Variants in SCD5 observed in about 807,000 individuals in gnomAD.
The protein encoded by SCD5 is stearoyl-CoA desaturase 5.
In SCD5, 20 loss-of-function variants were observed where a neutral mutation model predicts 30.4. That is an observed-to-expected ratio of 0.66 (90% CI 0.46 to 0.96). The LOEUF (loss-of-function observed/expected upper bound fraction) is 0.96, where lower values mean the gene tolerates loss of function less well. Ranked by LOEUF, SCD5 falls within the 40% of genes least tolerant of loss-of-function variation. SCD5 has a pLI of 0.00. For missense variants in SCD5, 381 were observed against 443.3 expected (o/e 0.86, Z 1.26); for synonymous variants, 173 against 176.4 (o/e 0.98, Z 0.16).
chr4:82,714,645 T>A (rs1271420988), intron 1 of SCD5, among the ~76,000 whole-genome samples: 1 of 152,034 alleles, frequency 6.6e-6, no homozygotes, highest in Non-Finnish European at 1.5e-5. Context: ...AGGAGCCAGG[T>A]CTGGAAGGGA....
chr4:82,739,396 C>G (rs964247794), intron 1 of SCD5, among the ~76,000 whole-genome samples: 1 of 152,230 alleles, frequency 6.6e-6, no homozygotes, highest in East Asian at 1.9e-4. Flanking sequence ...CTAACATCCC[C>G]TCCAGCTTTA....
intron 1 of SCD5, among the ~76,000 whole-genome samples, chr4:82,767,264 G>A (rs1721512988): frequency 6.6e-6 from 1 of 151,754 alleles, no homozygotes; most frequent in Non-Finnish European, 1.5e-5. Flanking sequence ...GTCTCTTCTT[G>A]CAGCTCACTC....
chr4:82,667,631 G>A (rs1053558557), intron 3 of SCD5, among the ~76,000 whole-genome samples: 3 of 152,134 alleles, frequency 2.0e-5, no homozygotes, highest in African/African-American at 7.2e-5. Flanking sequence ...TTAACAAAAG[G>A]TATCGAATTA....
chr4:82,714,311 C>G (rs1037133303), intron 1 of SCD5, among the ~76,000 whole-genome samples: 3 of 152,180 alleles, frequency 2.0e-5, no homozygotes, highest in Non-Finnish European at 4.4e-5. Flanking sequence ...CTTAAACCCA[C>G]TCAATCAGGT....
At chr4:82,647,329 A>T (rs1463188445) in intron 3 of SCD5, among the ~76,000 whole-genome samples, 3 of 67,776 alleles carry the variant, frequency 4.4e-5, no homozygotes, top group Non-Finnish European at 8.3e-5. Context: ...CAAGGGAGCA[A>T]GTTTAACTCC....
At chr4:82,712,449 C>A (rs1433502184) in intron 1 of SCD5, among the ~76,000 whole-genome samples, 2 of 149,646 alleles carry the variant, frequency 1.3e-5, no homozygotes, top group Non-Finnish European at 3.0e-5. Flanking sequence ...TCCTGAGTAG[C>A]TGGGATTACA....
intron 1 of SCD5, among the ~76,000 whole-genome samples, chr4:82,750,354 G>A (rs1353436638): frequency 1.3e-5 from 2 of 152,144 alleles, no homozygotes; most frequent in Admixed American, 1.3e-4. Flanking sequence ...CACCCTGCAG[G>A]AGTAACACAG....
intron 1 of SCD5, among the ~76,000 whole-genome samples, chr4:82,791,493 TAG>T (rs893665378): frequency 6.6e-6 from 1 of 151,756 alleles, no homozygotes; most frequent in African/African-American, 2.4e-5. Flanking sequence ...GCGGGCTGGC[TAG>T]AGTGTCTCGC....
chr4:82,660,902 G>A, intron 3 of SCD5: 1 of 1,614,116 alleles, frequency 6.2e-7, no homozygotes, highest in South Asian at 1.1e-5. Flanking sequence ...GACACAGAAA[G>A]AGCACGCAGC....
chr4:82,658,311 T>C (rs1487490915), intron 3 of SCD5, among the ~76,000 whole-genome samples: 1 of 152,076 alleles, frequency 6.6e-6, no homozygotes, highest in Non-Finnish European at 1.5e-5. Context: ...TGAAGGGGTG[T>C]TGAATTTTAT....
Position 82,671,823 on chromosome 4 carries a change from G to A in SCD5, c.569+8884C>T, listed in dbSNP as rs568672650. ...TTGAACCCAGGAGGCAGAGGTTGCA[G>A]TGGGCTGAGATTGCACCACTGCACT... is the stretch of plus-strand genomic sequence containing the variant. On this transcript the variant is annotated intron_variant, in intron 3 of 4. Transcript: ENST00000319540. Among the ~76,000 whole-genome samples, 104 of 152,340 alleles carry A rather than the reference G, an allele frequency of 6.8e-4. 1 individual carries two copies. The highest frequency in any genetic ancestry group is 2.4e-3 in the African/African-American group (101 of 41,576).
chr4:82,653,709 T>G (rs371074247), intron 3 of SCD5, among the ~76,000 whole-genome samples: 7 of 136,238 alleles, frequency 5.1e-5, no homozygotes, highest in African/African-American at 1.8e-4. Context: ...TAGATAGATA[T>G]AGATAGATAG....
intron 1 of SCD5, among the ~76,000 whole-genome samples, chr4:82,756,239 T>C (rs558973550): frequency 6.6e-5 from 10 of 152,280 alleles, no homozygotes; most frequent in African/African-American, 2.4e-4. Flanking sequence ...GTGGCAGCAG[T>C]GGTGGGGATG....
chr4:82,761,333 C>G (rs1186251042), intron 1 of SCD5, among the ~76,000 whole-genome samples: 1 of 152,196 alleles, frequency 6.6e-6, no homozygotes, highest in Admixed American at 6.5e-5. Flanking sequence ...TAAGCTTAGT[C>G]CAATATGTTC....
chr4:82,712,279 T>TACAC (rs1560540801), intron 1 of SCD5, among the ~76,000 whole-genome samples: 1 of 50,536 alleles, frequency 2.0e-5, no homozygotes. Flanking sequence ...TATATATATA[T>TACAC]ATATATATAT....
At chr4:82,716,090 A>G (rs1157132388) in intron 1 of SCD5, among the ~76,000 whole-genome samples, 1 of 151,930 alleles carries the variant, frequency 6.6e-6, no homozygotes, top group Non-Finnish European at 1.5e-5. Flanking sequence ...AGCATAAACT[A>G]GTTCAGCCTG....
At chr4:82,724,615 A>G (rs1300329194) in intron 1 of SCD5, among the ~76,000 whole-genome samples, 1 of 152,208 alleles carries the variant, frequency 6.6e-6, no homozygotes, top group Non-Finnish European at 1.5e-5. Flanking sequence ...ATATAAAAAG[A>G]TATACATGGT....
chr4:82,668,442 G>A (rs1173900505), intron 3 of SCD5, among the ~76,000 whole-genome samples: 1 of 152,120 alleles, frequency 6.6e-6, no homozygotes, highest in African/African-American at 2.4e-5. Context: ...AGAAAGATAG[G>A]GCAAGTACTC....
Position 82,798,352 on chromosome 4 carries a change from G to C in SCD5, c.186C>G (p.Tyr62Ter), listed in dbSNP as rs1294603595. The change falls in exon 1 of 5, where the codon TAC (tyrosine) becomes TAG (stop). Residue 62 changes from tyrosine to a stop codon, truncating the protein, a stop_gained. Transcript: ENST00000319540. LOFTEE classifies it high-confidence loss of function. Reference protein sequence around the residue: ...LMSLLHLGAVYSLVLIPKAKP... With the variant: ...LMSLLHLGAV ...TGGCTTTGGGGATGAGCACCAGGGA[G>C]TACACGGCCCCCAAGTGGAGCAAGC... 1.2e-6 allele frequency: 2 copies of C among 1,613,138 alleles called. No homozygotes were observed. Among genetic ancestry groups the C allele is most frequent in the Non-Finnish European group, 1.7e-6 (2 of 1,179,564 alleles).
Sources: gnomAD v4.1 joint callset for allele counts (sites outside exome capture counted in the v4.1 genomes callset) on GRCh38, gnomAD v4.1.1 for gene constraint, MANE v1.5 for transcripts, NCBI Gene and HGNC (gene_info 2026-07-23, HGNC 2026-07-21) for gene names.